The following CPSF3 variants were observed in gnomAD, a reference collection of about 807,000 sequenced individuals.
The protein encoded by CPSF3 is cleavage and polyadenylation specific factor 3, also known as cleavage and polyadenylation specificity factor subunit 3.
CPSF3 carries 57 observed loss-of-function variants against 84.1 expected under a neutral mutation model. The observed-to-expected ratio is 0.68, with a 90% confidence interval of 0.55 to 0.85. The LOEUF is 0.85. Among genes scored for constraint, CPSF3 ranks in the 40% least tolerant of loss-of-function variants. CPSF3 has a pLI of 0.00. For synonymous variants in CPSF3, 275 were observed against 278.1 expected, an observed-to-expected ratio of 0.99 and a Z score of 0.11; for missense variants, 522 against 838.8, an observed-to-expected ratio of 0.62 and a Z score of 4.66.
At chr2:9,426,978 G>A (rs1680417151) in intron 1 of CPSF3, among the ~76,000 whole-genome samples, 1 of 152,162 alleles carries the variant, frequency 6.6e-6, no homozygotes, top group Non-Finnish European at 1.5e-5. Context: ...CGAGTAGAAG[G>A]TGAGGAAGTA....
intron 5 of CPSF3, among the ~76,000 whole-genome samples, chr2:9,433,275 G>A (rs1023884303): frequency 2.0e-5 from 3 of 152,312 alleles, no homozygotes; most frequent in African/African-American, 7.2e-5. Context: ...ATCTGGAGGC[G>A]CAGCTTGGCC....
At chr2:9,452,168 A>G (rs1203612575) in intron 11 of CPSF3, among the ~76,000 whole-genome samples, 1 of 152,024 alleles carries the variant, frequency 6.6e-6, no homozygotes, top group Non-Finnish European at 1.5e-5. Flanking sequence ...ATTTCTACTA[A>G]AAATAGAAAA....
chr2:9,431,994 G>T (rs957244355), intron 4 of CPSF3, among the ~76,000 whole-genome samples: 2 of 152,200 alleles, frequency 1.3e-5, no homozygotes, highest in African/African-American at 2.4e-5. Flanking sequence ...GCAAGGATTT[G>T]AACCCAAACA....
Position 9,431,540 on chromosome 2 carries a change from C to CTTTT in CPSF3, c.341+668_341+671dup, listed in dbSNP as rs1198118780. Among the ~76,000 whole-genome samples, 36 of 84,136 alleles carry CTTTT rather than the reference C, an allele frequency of 4.3e-4. 1 individual carries two copies. The highest frequency in any genetic ancestry group is 8.4e-4 in the African/African-American group (16 of 19,000). The allele number at this position is 84,136 out of a possible 152,430, so 55.2% of individuals were successfully genotyped here. A position where few individuals can be genotyped will look rare whatever the true frequency, so the allele number is the denominator to read the frequency against. On this transcript the variant is annotated intron_variant, in intron 4 of 17. Transcript: ENST00000238112. ...AAATAAATATACATATTTTTTTTTT[C>CTTTT]TTTTTTTTTTTCTTTTTTTTTTGAG...
At chr2:9,425,810 CG>C (rs1263387521) in intron 1 of CPSF3, among the ~76,000 whole-genome samples, 4 of 152,154 alleles carry the variant, frequency 2.6e-5, no homozygotes, top group Middle Eastern at 3.4e-3. Flanking sequence ...ATAATTCAGT[CG>C]TTCTTAACAT....
chr2:9,452,783 G>A (rs866854345), intron 11 of CPSF3, 130 bp from the exon 12 acceptor site: 7 of 626,784 alleles, frequency 1.1e-5, no homozygotes, highest in South Asian at 2.1e-5. Flanking sequence ...TATGTTTTTC[G>A]TGGTTAAATC....
intron 10 of CPSF3, among the ~76,000 whole-genome samples, chr2:9,446,914 G>C (rs996319272): frequency 2.0e-5 from 3 of 152,192 alleles, no homozygotes; most frequent in African/African-American, 7.2e-5. Flanking sequence ...GCAAGGCTGA[G>C]GTGGAAAGAC....
rs1680196954 is a variant in CPSF3 at position 9,423,670 on chromosome 2, G to A, written c.-104G>A. ...CGGAGTGACGGAAGTTGTGCTCTTG[G>A]TGAATGGGGTTCTTCCTTTTTTATT... On this transcript the variant is annotated 5_prime_UTR_variant, in exon 1 of 18. In the 5' UTR this introduces an upstream ATG that the reference lacks. Transcript: ENST00000238112. The A allele has an allele frequency of 2.1e-6, 3 of 1,437,690 alleles. No individual in the cohort carries two copies. The highest frequency in any genetic ancestry group is 2.8e-6 in the Non-Finnish European group (3 of 1,058,378). 89.1% of individuals were successfully genotyped at this position (1,437,690 alleles called of 1,614,324 possible). A position where few individuals can be genotyped will look rare whatever the true frequency, so the allele number is the denominator to read the frequency against.
intron 15 of CPSF3, among the ~76,000 whole-genome samples, chr2:9,465,116 G>A (rs908518041): frequency 3.3e-5 from 5 of 152,166 alleles, no homozygotes; most frequent in African/African-American, 4.8e-5. Flanking sequence ...AGTCTTTTCC[G>A]TAGAGTAGAT....
At chr2:9,454,854 C>G (rs539892012) in intron 12 of CPSF3, among the ~76,000 whole-genome samples, 1 of 152,020 alleles carries the variant, frequency 6.6e-6, no homozygotes, top group Non-Finnish European at 1.5e-5. Flanking sequence ...CGAGCTCTTA[C>G]TCTTATGCCA....
chr2:9,472,005 C>CAAAAA (rs1682184231), intron 17 of CPSF3, among the ~76,000 whole-genome samples: 1 of 59,356 alleles, frequency 1.7e-5, no homozygotes. Flanking sequence ...GACTCTGTCT[C>CAAAAA]CAAAAAAAAA....
Position 9,452,981 on chromosome 2 carries a change from AAACTT to A in CPSF3, c.1465_1469del (p.Asn489Ter). On this transcript the variant is annotated frameshift_variant, in exon 12 of 18. Coordinates refer to ENST00000238112, the MANE Select transcript of CPSF3 (RefSeq NM_016207.4). LOFTEE classifies it high-confidence loss of function. ...GGGTCTCAGGAATACTTGTTAAAAGAAACTTTAATTATCACATACTTTCTCCTTGC... is the reference window on the plus strand; with the variant it reads ...GGGTCTCAGGAATACTTGTTAAAAGATAATTATCACATACTTTCTCCTTGC... 1 of 1,611,630 alleles carries A rather than the reference AAACTT, an allele frequency of 6.2e-7. No individual in the cohort carries two copies. The highest frequency in any genetic ancestry group is 8.5e-7 in the Non-Finnish European group (1 of 1,179,320).
chr2:9,429,181 C>A (rs1413745551), intron 2 of CPSF3, among the ~76,000 whole-genome samples: 1 of 152,240 alleles, frequency 6.6e-6, no homozygotes, highest in Non-Finnish European at 1.5e-5. Context: ...TAGCCGCCTC[C>A]AGCATGTGGG....
intron 17 of CPSF3, 106 bp from the exon 18 acceptor site, chr2:9,472,810 G>C: frequency 2.5e-6 from 2 of 811,646 alleles, no homozygotes; most frequent in Non-Finnish European, 4.1e-6. Context: ...CACCACAGCT[G>C]GCTAATTTTT....
intron 13 of CPSF3, 100 bp downstream of exon 13, chr2:9,455,857 A>T: frequency 1.2e-6 from 1 of 808,750 alleles, no homozygotes; most frequent in Non-Finnish European, 1.9e-6. Context: ...TAATTGTCTC[A>T]GAATTGTGTA....
intron 15 of CPSF3, among the ~76,000 whole-genome samples, chr2:9,466,216 ACG>A (rs1558465965): frequency 4.3e-4 from 65 of 149,874 alleles, no homozygotes; most frequent in African/African-American, 1.5e-3. Context: ...ACGCGCACAC[ACG>A]CACGCACACA....
chr2:9,428,851 G>T, intron 2 of CPSF3, 23 bp downstream of exon 2: 2 of 1,376,188 alleles, frequency 1.5e-6, no homozygotes, highest in Non-Finnish European at 2.1e-6. Flanking sequence ...TTTGTACTCA[G>T]TTTAATAGTA....
intron 7 of CPSF3, among the ~76,000 whole-genome samples, chr2:9,436,629 G>A (rs1274743359): frequency 2.0e-5 from 3 of 151,936 alleles, no homozygotes; most frequent in Admixed American, 6.6e-5. Context: ...AAAATTAGCC[G>A]GGCACAGTGA....
At chr2:9,456,758 A>G (rs1478759530) in intron 13 of CPSF3, among the ~76,000 whole-genome samples, 175 bp from the exon 14 acceptor site, 1 of 152,218 alleles carries the variant, frequency 6.6e-6, no homozygotes, top group Non-Finnish European at 1.5e-5. Context: ...TTTGCAATAC[A>G]TGTTCAGACC....
Sources: allele counts gnomAD v4.1 joint callset (sites outside exome capture counted in the v4.1 genomes callset), GRCh38; gene constraint gnomAD v4.1.1; transcripts MANE v1.5; gene names NCBI Gene and HGNC (gene_info 2026-07-23, HGNC 2026-07-21).